PPP2R1A: variants seen among roughly 807,000 people sequenced by gnomAD.
The protein encoded by PPP2R1A is serine/threonine-protein phosphatase 2A 65 kDa regulatory subunit A alpha isoform.
In PPP2R1A, 15 loss-of-function variants were observed where a neutral mutation model predicts 67.1. The observed-to-expected ratio is 0.22, with a 90% confidence interval of 0.15 to 0.34. The LOEUF (loss-of-function observed/expected upper bound fraction) is 0.34. Among genes scored for constraint, PPP2R1A ranks in the 10% least tolerant of loss-of-function variants. PPP2R1A has a pLI of 1.00. For synonymous variants in PPP2R1A, 337 were observed against 325.0 expected (o/e 1.04, Z -0.40); for missense variants, 369 against 775.0 (o/e 0.48, Z 6.22).
At chr19:52,208,404 G>A (rs1568591428) in intron 3 of PPP2R1A, among the ~76,000 whole-genome samples, 1 of 152,096 alleles carries the variant, frequency 6.6e-6, no homozygotes, top group Non-Finnish European at 1.5e-5. Flanking sequence ...CCTGACCTCA[G>A]GTGATCCACC....
At chr19:52,191,545 C>T (rs1300281400) in intron 1 of PPP2R1A, 1 of 152,122 alleles carries the variant, frequency 6.6e-6, no homozygotes, top group Non-Finnish European at 1.5e-5. Context: ...ACGTGGGTCT[C>T]GCCTCCTAGG....
chr19:52,225,621 CTG>C (rs1979206307), intron 13 of PPP2R1A, 94 bp from the exon 14 acceptor site: 9 of 1,103,424 alleles, frequency 8.2e-6, no homozygotes, highest in Non-Finnish European at 1.2e-5. Flanking sequence ...GTATCCGTGT[CTG>C]TGTACACTCT....
At chr19:52,209,169 A>G (rs777141968) in intron 3 of PPP2R1A, among the ~76,000 whole-genome samples, 11 of 152,170 alleles carry the variant, frequency 7.2e-5, no homozygotes, top group Non-Finnish European at 1.5e-4. Context: ...CTTGGCTTAC[A>G]TAATTACTGC....
chr19:52,201,854 T>C (rs922213810), intron 1 of PPP2R1A, 90 bp from the exon 2 acceptor site: 6 of 1,239,742 alleles, frequency 4.8e-6, no homozygotes, highest in Admixed American at 3.8e-5. Context: ...AAGCAAGGCT[T>C]CCAGGGGCTG....
At position 52,213,298 on chromosome 19, in the gene PPP2R1A, A is replaced by C. The variant is rs993349493; in HGVS notation, c.807+188A>C. ...TCCTGGTTGATTGACATGGCATCTT[A>C]AAGTGCTGCCTTGAGAAAGATTCTG... On this transcript the variant is annotated intron_variant, in intron 6 of 14. Transcript: ENST00000322088. This position sits in a 1 kb window ranked among gnomAD's most constrained non-coding sequence, Gnocchi z 4.2. Among the ~76,000 whole-genome samples, 1 of 151,948 alleles carries C rather than the reference A, an allele frequency of 6.6e-6. No homozygotes were observed.
At chr19:52,205,823 G>T in intron 2 of PPP2R1A, 140 bp from the exon 3 acceptor site, 2 of 712,248 alleles carry the variant, frequency 2.8e-6, no homozygotes, top group Non-Finnish European at 2.5e-6. Context: ...AGCCCAGGTG[G>T]AGAGTGGGGG....
intron 2 of PPP2R1A, among the ~76,000 whole-genome samples, chr19:52,203,031 A>T (rs2089567092): frequency 6.6e-6 from 1 of 152,238 alleles, no homozygotes; most frequent in African/African-American, 2.4e-5. Context: ...TTCATATTTT[A>T]TACTTATTAC....
At position 52,213,266 on chromosome 19, in the gene PPP2R1A, G is replaced by A. The variant is rs2089691347; in HGVS notation, c.807+156G>A. Among the ~76,000 whole-genome samples the A allele has an allele frequency of 6.6e-6, 1 of 152,072 alleles. No homozygotes were observed. Among genetic ancestry groups the A allele is most frequent in the Non-Finnish European group, 1.5e-5 (1 of 68,030 alleles). Reference sequence around the variant, plus strand: ...ATCATCTAACTGCGTCTCGCTTCGTGTGCCAATCCTGGTTGATTGACATGG... The same window carrying A: ...ATCATCTAACTGCGTCTCGCTTCGTATGCCAATCCTGGTTGATTGACATGG... On this transcript the variant is annotated intron_variant, in intron 6 of 14. Transcript: ENST00000322088. This position sits in a 1 kb window ranked among gnomAD's most constrained non-coding sequence, Gnocchi z 4.2.
At chr19:52,217,370 A>G (rs770038544) in intron 9 of PPP2R1A, among the ~76,000 whole-genome samples, 11 of 152,180 alleles carry the variant, frequency 7.2e-5, no homozygotes, top group Non-Finnish European at 1.3e-4. Context: ...AGATAATTTT[A>G]AAAAACATTT....
intron 1 of PPP2R1A, among the ~76,000 whole-genome samples, chr19:52,193,060 T>G (rs2089468761): frequency 6.6e-6 from 1 of 152,250 alleles, no homozygotes. Context: ...CTATGTTAGG[T>G]ACAGTACAGA....
At chr19:52,220,855 T>A in intron 11 of PPP2R1A, 124 bp from the exon 12 acceptor site, 1 of 1,154,654 alleles carries the variant, frequency 8.7e-7, no homozygotes. Flanking sequence ...TTTCTCTCTT[T>A]GGCTCACATG....
chr19:52,227,928 A>AATGC lies in PPP2R1A; in HGVS notation c.*1949_*1952dup, dbSNP rs2122389233. 1 of 152,296 alleles carries AATGC rather than the reference A, an allele frequency of 6.6e-6. No homozygotes were observed. Among genetic ancestry groups the AATGC allele is most frequent in the African/African-American group, 2.4e-5 (1 of 41,566 alleles). 9.4% of individuals were successfully genotyped at this position (152,296 alleles called of 1,614,324 possible). A position where few individuals can be genotyped will look rare whatever the true frequency, so the allele number is the denominator to read the frequency against. ...TTTGCATTCTCAGGAGCTTGTTAGA[A>AATGC]ATGCAGAGCCTCTCGTCCCTGCCCC... On this transcript the variant is annotated 3_prime_UTR_variant, in exon 15 of 15. Coordinates refer to ENST00000322088, the MANE Select transcript of PPP2R1A (RefSeq NM_014225.6).
chr19:52,225,831 C>T, intron 14 of PPP2R1A, 23 bp downstream of exon 14: 1 of 1,612,484 alleles, frequency 6.2e-7, no homozygotes. Flanking sequence ...AAGCACGGAG[C>T]CCTAGCAGGA....
intron 13 of PPP2R1A, among the ~76,000 whole-genome samples, chr19:52,224,296 C>T (rs1015167034): frequency 6.6e-6 from 1 of 152,206 alleles, no homozygotes; most frequent in Admixed American, 6.5e-5. Context: ...AGTCCCCCTC[C>T]GTTTTCCAAA....
chr19:52,228,803 A>G lies in PPP2R1A; in HGVS notation c.*2822A>G, dbSNP rs78542295. Reference sequence around the variant, plus strand: ...TGCACTTCTTTGGCTGTTTTTGCCAACAGCCTCTTCACTGACCCCTTCCTT... The same window carrying G: ...TGCACTTCTTTGGCTGTTTTTGCCAGCAGCCTCTTCACTGACCCCTTCCTT... On this transcript the variant is annotated 3_prime_UTR_variant, in exon 15 of 15. Coordinates refer to ENST00000322088, the MANE Select transcript of PPP2R1A (RefSeq NM_014225.6). The G allele has an allele frequency of 2.0e-5, 3 of 152,238 alleles. No individual in the cohort carries two copies. Among genetic ancestry groups the G allele is most frequent in the Non-Finnish European group, 2.9e-5 (2 of 68,102 alleles). The allele number at this position is 152,238 out of a possible 1,614,324, so 9.4% of individuals were successfully genotyped here. A position where few individuals can be genotyped will look rare whatever the true frequency, so the allele number is the denominator to read the frequency against.
chr19:52,224,060 G>T (rs1010896638), intron 13 of PPP2R1A, among the ~76,000 whole-genome samples: 1 of 152,166 alleles, frequency 6.6e-6, no homozygotes, highest in Non-Finnish European at 1.5e-5. Context: ...GCAGCAACAG[G>T]TGACTCTCAC....
At chr19:52,218,865 G>C (rs1034509491) in intron 9 of PPP2R1A, among the ~76,000 whole-genome samples, 2 of 152,160 alleles carry the variant, frequency 1.3e-5, no homozygotes, top group African/African-American at 4.8e-5. Flanking sequence ...ATCGTGTGCT[G>C]GCAGCCAGCC....
At position 52,216,965 on chromosome 19, in the gene PPP2R1A, G is replaced by T. The variant is rs1173767415; in HGVS notation, c.1128+302G>T. On this transcript the variant is annotated intron_variant, in intron 9 of 14. Coordinates refer to ENST00000322088, the MANE Select transcript of PPP2R1A (RefSeq NM_014225.6). The surrounding 1 kb of genome is among the most constrained non-coding windows in gnomAD (Gnocchi z 4.3). ...AGCACTTTGGGAGGCTGAGGCGGGT[G>T]GATCACCTGAGGTCAGGAGTTCGAG... 6.6e-6 allele frequency among the ~76,000 whole-genome samples: 1 copy of T among 152,146 alleles called. No individual in the cohort carries two copies. The highest frequency in any genetic ancestry group is 1.5e-5 in the Non-Finnish European group (1 of 68,030).
intron 1 of PPP2R1A, among the ~76,000 whole-genome samples, chr19:52,196,290 A>T (rs922099469): frequency 5.9e-5 from 9 of 152,212 alleles, no homozygotes; most frequent in African/African-American, 2.2e-4. Flanking sequence ...ACCCCAACCT[A>T]GAGTTGTTTA....
Sources: gnomAD v4.1 joint callset for allele counts (sites outside exome capture counted in the v4.1 genomes callset) on GRCh38, gnomAD v4.1.1 for gene constraint, Gnocchi (gnomAD v3.1) non-coding constraint, MANE v1.5 for transcripts, NCBI Gene and HGNC (gene_info 2026-07-23, HGNC 2026-07-21) for gene names.